Variants in EYS observed in about 807,000 individuals in gnomAD.
The protein encoded by EYS is EGF-like photoreceptor maintenance factor, also known as protein eyes shut homolog.
In EYS, 250 loss-of-function variants were observed where a neutral mutation model predicts 282.1. The ratio of observed to expected loss-of-function variants is 0.89; its 90% CI spans 0.80 to 0.98. The LOEUF (loss-of-function observed/expected upper bound fraction) is 0.98. Among genes scored for constraint, EYS ranks in the 50% least tolerant of loss-of-function variants. EYS has a pLI of 0.00. For synonymous variants in EYS, 1,355 were observed against 1,282.9 expected, an observed-to-expected ratio of 1.06 and a Z score of -1.20; for missense variants, 4,016 against 3,709.0, an observed-to-expected ratio of 1.08 and a Z score of -2.15.
At chr6:63,768,764 A>G (rs995521816) in intron 40 of EYS, among the ~76,000 whole-genome samples, 3 of 152,130 alleles carry the variant, frequency 2.0e-5, no homozygotes, top group Non-Finnish European at 4.4e-5. Context: ...AAAAAGACAT[A>G]TGCATTTGTA....
chr6:65,205,445 A>G (rs1381752258), intron 12 of EYS, among the ~76,000 whole-genome samples: 1 of 151,932 alleles, frequency 6.6e-6, no homozygotes, highest in Admixed American at 6.6e-5. Flanking sequence ...ATTAATAGCA[A>G]TACAATATTA....
chr6:65,616,941 G>T (rs1009882527), intron 2 of EYS, among the ~76,000 whole-genome samples: 3 of 151,850 alleles, frequency 2.0e-5, no homozygotes, highest in Admixed American at 6.6e-5. Context: ...TATTTCCCTG[G>T]CTTATTTATA....
intron 33 of EYS, among the ~76,000 whole-genome samples, chr6:64,025,749 C>T (rs1315870421): frequency 2.0e-5 from 3 of 152,168 alleles, no homozygotes; most frequent in Non-Finnish European, 2.9e-5. Context: ...TGTATCCTTC[C>T]TATTCATATA....
intron 12 of EYS, among the ~76,000 whole-genome samples, chr6:65,081,705 G>T (rs540466311): frequency 6.6e-6 from 1 of 152,098 alleles, no homozygotes; most frequent in South Asian, 2.1e-4. Flanking sequence ...TTAAAAAAAT[G>T]AGATTCATTG....
chr6:65,375,202 T>C (rs1266333801), intron 8 of EYS, among the ~76,000 whole-genome samples: 2 of 152,150 alleles, frequency 1.3e-5, no homozygotes, highest in African/African-American at 4.8e-5. Context: ...GCAGCAATCT[T>C]TTCTGTTCTT....
intron 1 of EYS, among the ~76,000 whole-genome samples, chr6:65,669,671 A>T (rs1199912685): frequency 6.6e-6 from 1 of 152,034 alleles, no homozygotes; most frequent in Non-Finnish European, 1.5e-5. Flanking sequence ...GGTCATCACC[A>T]TTAAATGAGT....
intron 12 of EYS, among the ~76,000 whole-genome samples, chr6:65,288,107 A>G (rs1206495089): frequency 6.6e-6 from 1 of 151,188 alleles, no homozygotes; most frequent in Non-Finnish European, 1.5e-5. Context: ...ATTATCTTGA[A>G]ATATTGGACT....
chr6:65,327,524 T>C (rs1769658186), intron 11 of EYS, among the ~76,000 whole-genome samples: 1 of 151,674 alleles, frequency 6.6e-6, no homozygotes, highest in South Asian at 2.1e-4. Context: ...CTTAGCTTTG[T>C]ACTTCCTGAA....
chr6:64,491,698 T>A (rs1168503395), intron 26 of EYS, among the ~76,000 whole-genome samples: 5 of 151,012 alleles, frequency 3.3e-5, no homozygotes, highest in South Asian at 4.1e-4. Flanking sequence ...TAAAATATAT[T>A]GCCTGAGATA....
intron 26 of EYS, among the ~76,000 whole-genome samples, chr6:64,491,036 T>C (rs1443385101): frequency 1.3e-5 from 2 of 150,848 alleles, no homozygotes; most frequent in African/African-American, 4.8e-5. Context: ...ACCAATGAAC[T>C]AATTATTTAT....
In EYS at chr6:63,812,352, G is replaced by A. The variant is rs997298459; in HGVS notation, c.7229-5980C>T. 1.3e-4 allele frequency among the ~76,000 whole-genome samples: 20 copies of A among 152,156 alleles called. 1 individual carries two copies. The highest frequency in any genetic ancestry group is 2.5e-4 in the Non-Finnish European group (17 of 68,018). ...CTCACTTCCTTCAAGACTCGCTCAGGTGTTCTCTCCTCACAGGGCCTTTCC... is the reference window on the plus strand; with the variant it reads ...CTCACTTCCTTCAAGACTCGCTCAGATGTTCTCTCCTCACAGGGCCTTTCC... On this transcript the variant is annotated intron_variant, in intron 36 of 42. Transcript: ENST00000503581.
intron 12 of EYS, among the ~76,000 whole-genome samples, chr6:65,244,092 A>C (rs1473887740): frequency 1.3e-5 from 2 of 152,158 alleles, no homozygotes; most frequent in Non-Finnish European, 2.9e-5. Flanking sequence ...TTAGAGTTGA[A>C]ATATAAGAGG....
intron 14 of EYS, among the ~76,000 whole-genome samples, chr6:64,992,216 T>C (rs771616884): frequency 6.6e-5 from 10 of 151,874 alleles, no homozygotes; most frequent in Non-Finnish European, 1.0e-4. Context: ...AAAAGGTATA[T>C]AGTCTTTAAT....
chr6:65,526,542 A>T (rs968519773), intron 2 of EYS, among the ~76,000 whole-genome samples: 1 of 152,162 alleles, frequency 6.6e-6, no homozygotes, highest in African/African-American at 2.4e-5. Flanking sequence ...TGCTTGGCTC[A>T]CGCCTGTAAT....
chr6:64,220,692 T>C lies in EYS; in HGVS notation c.6424+9900A>G, dbSNP rs866498743. Among the ~76,000 whole-genome samples the C allele has an allele frequency of 4.6e-5, 7 of 152,308 alleles. No homozygotes were observed. In the Middle Eastern group the frequency reaches 0.01, roughly 222 times the overall value. On this transcript the variant is annotated intron_variant, in intron 31 of 42. Transcript: ENST00000503581. ...CTGAGAGTGCCTTTGTTCCTAGTTG[T>C]AGTTCCCTTCTGCAAACATCTTTGC...
intron 5 of EYS, among the ~76,000 whole-genome samples, chr6:65,420,509 CAA>C (rs1244089279): frequency 6.8e-6 from 1 of 146,842 alleles, no homozygotes; most frequent in Non-Finnish European, 1.5e-5. Flanking sequence ...TTAAACCACT[CAA>C]AGTCACCCAT....
chr6:64,297,789 C>T (rs1246695493), intron 30 of EYS, among the ~76,000 whole-genome samples: 1 of 151,854 alleles, frequency 6.6e-6, no homozygotes, highest in African/African-American at 2.4e-5. Flanking sequence ...ACTAGCCTGG[C>T]CAACATTGTG....
At chr6:64,641,506 T>C (rs1019189605) in intron 22 of EYS, among the ~76,000 whole-genome samples, 2 of 152,214 alleles carry the variant, frequency 1.3e-5, no homozygotes, top group African/African-American at 2.4e-5. Context: ...ATGGGTTCCA[T>C]GCATCAAAAT....
At chr6:65,407,776 TGTG>T (rs535371342) in intron 5 of EYS, among the ~76,000 whole-genome samples, 1 of 150,462 alleles carries the variant, frequency 6.6e-6, no homozygotes, top group African/African-American at 2.5e-5. Flanking sequence ...TGTGTGTGTG[TGTG>T]TGTGTGTATG....
Sources: allele counts gnomAD v4.1 joint callset (sites outside exome capture counted in the v4.1 genomes callset), GRCh38; gene constraint gnomAD v4.1.1; transcripts MANE v1.5; gene names NCBI Gene and HGNC (gene_info 2026-07-23, HGNC 2026-07-21).